TACR1: variants seen among roughly 807,000 people sequenced by gnomAD.
The protein encoded by TACR1 is tachykinin receptor 1.
Under a neutral mutation model 35.8 loss-of-function variants are expected in TACR1, and 25 were observed. The observed-to-expected ratio is 0.70, with a 90% confidence interval of 0.51 to 0.98. The LOEUF is 0.98. Among genes scored for constraint, TACR1 ranks in the 50% least tolerant of loss-of-function variants. TACR1 has a pLI of 0.00. For missense variants in TACR1, 478 were observed against 522.9 expected (o/e 0.91, Z 0.84); for synonymous variants, 195 against 206.7 (o/e 0.94, Z 0.48).
In TACR1 at chr2:75,049,166, G is replaced by T; in HGVS notation, c.*266C>A. The T allele has an allele frequency of 2.2e-6, 1 of 452,226 alleles. No homozygotes were observed. Among genetic ancestry groups the T allele is most frequent in the Non-Finnish European group, 3.9e-6 (1 of 254,652 alleles). 28.0% of individuals were successfully genotyped at this position (452,226 alleles called of 1,614,324 possible). On this transcript the variant is annotated 3_prime_UTR_variant, in exon 5 of 5. Transcript: ENST00000305249. ...TCCAGAATGGAATGAATGGGCTTTT[G>T]GGAAAAGCTGGTCCGACCTTTTATT...
At chr2:75,070,231 GTA>G (rs753846272) in intron 2 of TACR1, among the ~76,000 whole-genome samples, 32,865 of 145,718 alleles carry the variant, frequency 0.23, 4,532 homozygotes, top group African/African-American at 0.39. Context: ...GTGTGTGTGT[GTA>G]TGTGTGTGTG....
intron 1 of TACR1, among the ~76,000 whole-genome samples, chr2:75,173,582 G>A (rs944098770): frequency 6.6e-6 from 1 of 152,144 alleles, no homozygotes; most frequent in East Asian, 1.9e-4. Flanking sequence ...AAGGAAGAAT[G>A]GAAATGACTG....
chr2:75,135,718 A>G (rs1372323296), intron 1 of TACR1, among the ~76,000 whole-genome samples: 2 of 152,210 alleles, frequency 1.3e-5, no homozygotes, highest in Admixed American at 1.3e-4. Flanking sequence ...TGCTAATTCC[A>G]CAGAGACACT....
At chr2:75,128,236 A>G (rs982946151) in intron 1 of TACR1, among the ~76,000 whole-genome samples, 12 of 152,210 alleles carry the variant, frequency 7.9e-5, no homozygotes, top group African/African-American at 2.9e-4. Flanking sequence ...AAGCTTACAA[A>G]GGGACAGATA....
chr2:75,101,599 G>A (rs1256527528), intron 2 of TACR1, among the ~76,000 whole-genome samples: 1 of 152,096 alleles, frequency 6.6e-6, no homozygotes, highest in Non-Finnish European at 1.5e-5. Flanking sequence ...TGGGCAAATC[G>A]TCATCATGAT....
intron 2 of TACR1, among the ~76,000 whole-genome samples, chr2:75,083,642 T>A (rs1241650523): frequency 2.6e-5 from 4 of 152,116 alleles, no homozygotes; most frequent in South Asian, 4.1e-4. Context: ...GGTCCTTCAC[T>A]TCCCTTGTAA....
chr2:75,081,543 G>A (rs989883072), intron 2 of TACR1, among the ~76,000 whole-genome samples: 2 of 152,170 alleles, frequency 1.3e-5, no homozygotes, highest in African/African-American at 2.4e-5. Flanking sequence ...AAAATAACCT[G>A]GATGTAGAGA....
chr2:75,170,671 G>C (rs1030579801), intron 1 of TACR1, among the ~76,000 whole-genome samples: 15 of 152,344 alleles, frequency 9.8e-5, no homozygotes, highest in African/African-American at 3.4e-4. Flanking sequence ...AGTCCAGGCT[G>C]AGGTGGTCTC....
intron 1 of TACR1, among the ~76,000 whole-genome samples, chr2:75,120,984 C>G (rs1673959847): frequency 6.6e-6 from 1 of 152,186 alleles, no homozygotes; most frequent in Non-Finnish European, 1.5e-5. Context: ...CTAGATTTTT[C>G]AGTATTTCAG....
chr2:75,081,822 T>C (rs936325472), intron 2 of TACR1, among the ~76,000 whole-genome samples: 1 of 152,096 alleles, frequency 6.6e-6, no homozygotes, highest in Non-Finnish European at 1.5e-5. Flanking sequence ...CAGACTCTGC[T>C]CTTGTTTCTG....
chr2:75,069,864 G>T (rs534547169), intron 2 of TACR1, among the ~76,000 whole-genome samples: 2 of 152,128 alleles, frequency 1.3e-5, no homozygotes, highest in Admixed American at 6.5e-5. Context: ...TCTCCAGGCT[G>T]AGACAGCATT....
intron 1 of TACR1, among the ~76,000 whole-genome samples, chr2:75,165,371 G>C (rs1379841635): frequency 6.6e-6 from 1 of 151,888 alleles, no homozygotes; most frequent in African/African-American, 2.4e-5. Context: ...GTGCAGTGGC[G>C]CGATCTCGGC....
intron 2 of TACR1, among the ~76,000 whole-genome samples, chr2:75,072,171 C>T (rs1281007072): frequency 6.6e-6 from 1 of 151,730 alleles, no homozygotes; most frequent in African/African-American, 2.4e-5. Context: ...GGAGCAGGAA[C>T]AGGGATCCAG....
intron 2 of TACR1, among the ~76,000 whole-genome samples, chr2:75,054,253 C>T (rs192388563): frequency 8.5e-5 from 13 of 152,310 alleles, no homozygotes; most frequent in African/African-American, 2.6e-4. Flanking sequence ...CCAACTAGTA[C>T]GTTCAGTTGA....
At chr2:75,126,750 A>G (rs1674081783) in intron 1 of TACR1, among the ~76,000 whole-genome samples, 3 of 152,250 alleles carry the variant, frequency 2.0e-5, no homozygotes, top group South Asian at 4.1e-4. Flanking sequence ...CCATCTGACA[A>G]CGGTCTAATA....
intron 1 of TACR1, among the ~76,000 whole-genome samples, chr2:75,151,962 T>C (rs1216303500): frequency 6.6e-6 from 1 of 152,190 alleles, no homozygotes; most frequent in Non-Finnish European, 1.5e-5. Context: ...GCCCATTGGA[T>C]TTCAGACTTG....
At chr2:75,181,892 C>G (rs726506) in intron 1 of TACR1, among the ~76,000 whole-genome samples, 64,961 of 152,050 alleles carry the variant, frequency 0.43, 15,292 homozygotes, top group Non-Finnish European at 0.51. Context: ...TCTTAATTAG[C>G]TAAGACTATA....
chr2:75,189,263 A>T (rs905698845), intron 1 of TACR1: 4 of 152,234 alleles, frequency 2.6e-5, no homozygotes, highest in Non-Finnish European at 4.4e-5. Context: ...GCTCTGGGCA[A>T]GACCCCTGTG....
chr2:75,184,138 G>T (rs1675627805), intron 1 of TACR1, among the ~76,000 whole-genome samples: 1 of 152,136 alleles, frequency 6.6e-6, no homozygotes, highest in Non-Finnish European at 1.5e-5. Flanking sequence ...GTGCTAAAAG[G>T]ACAAAGCACA....
Sources: allele counts gnomAD v4.1 joint callset (sites outside exome capture counted in the v4.1 genomes callset), GRCh38; gene constraint gnomAD v4.1.1; transcripts MANE v1.5; gene names NCBI Gene and HGNC (gene_info 2026-07-23, HGNC 2026-07-21).